Variants in TMEM234 observed in about 807,000 individuals in gnomAD.
TMEM234 encodes the protein transmembrane protein 234.
A neutral mutation model predicts 17.8 loss-of-function variants in TMEM234; 21 were observed. That is an observed-to-expected ratio of 1.18 (90% CI 0.84 to 1.70). The LOEUF (loss-of-function observed/expected upper bound fraction) is 1.70. TMEM234 is among the 40% of genes most tolerant of loss of function. The pLI, the probability that TMEM234 is intolerant of heterozygous loss-of-function variation, is 0.00. For synonymous variants in TMEM234, 83 were observed against 73.5 expected (o/e 1.13, Z -0.66); for missense variants, 137 against 166.9 (o/e 0.82, Z 0.99).
chr1:32,221,435 A>T (rs1000621551), intron 2 of TMEM234, among the ~76,000 whole-genome samples: 3 of 152,082 alleles, frequency 2.0e-5, no homozygotes, highest in Non-Finnish European at 4.4e-5. Context: ...AAGGCCTTGA[A>T]GCCAATGTCA....
chr1:32,216,739 G>C lies in TMEM234; in HGVS notation c.*114C>G, dbSNP rs1299032688. On this transcript the variant is annotated 3_prime_UTR_variant, in exon 5 of 5. Transcript: ENST00000309777. ...TGAGGTAGCTGTTATCCCCATAAGA[G>C]AGGAGGAAGCTAAGGCCAGAGAGGG... The C allele has an allele frequency of 1.8e-5, 28 of 1,521,896 alleles. No homozygotes were observed. The highest frequency in any genetic ancestry group is 4.5e-4 in the Middle Eastern group (2 of 4,420). 94.3% of individuals were successfully genotyped at this position (1,521,896 alleles called of 1,614,324 possible). A position where few individuals can be genotyped will look rare whatever the true frequency, so the allele number is the denominator to read the frequency against.
chr1:32,214,678 A>G (rs947792992), downstream of TMEM234: 2 of 1,424,584 alleles, frequency 1.4e-6, no homozygotes, highest in Admixed American at 2.3e-5. Context: ...GTGAAGACAG[A>G]CGGTGTCTCC....
chr1:32,217,621 T>C (rs1638524051), intron 3 of TMEM234: 1 of 671,016 alleles, frequency 1.5e-6, no homozygotes, highest in Non-Finnish European at 2.6e-6. Context: ...CAAAGAGAAC[T>C]CGTGAGATCT....
chr1:32,217,077 G>T (rs568916480), intron 4 of TMEM234, 130 bp from the exon 5 acceptor site: 513 of 1,565,976 alleles, frequency 3.3e-4, no homozygotes, highest in Non-Finnish European at 4.1e-4. Flanking sequence ...TCTTTCTCCA[G>T]ACTGTCCAGG....
downstream of TMEM234, chr1:32,214,821 AC>A: frequency 6.2e-7 from 1 of 1,613,932 alleles, no homozygotes; most frequent in Non-Finnish European, 8.5e-7. Flanking sequence ...GGCCCAGGTA[AC>A]CCAGCCCTCT....
rs1165946487 is a variant in TMEM234, at chr1:32,221,908, G to A, written c.127C>T (p.Gln43Ter). The change falls in exon 2 of 5, where the codon CAG becomes TAG. Residue 43 changes from glutamine (Q) to a stop codon, truncating the protein, a stop_gained. Coordinates refer to ENST00000309777, the MANE Select transcript of TMEM234 (RefSeq NM_019118.5). LOFTEE classifies it high-confidence loss of function. ...QRVHEPTWAQ[Q>*]LLQEMKTLFL... ...AGGGTCTTCATCTCCTGTAGCAACT[G>A]CTGGGCCCAGGTCGGCTCATGAACC... The A allele has an allele frequency of 3.7e-6, 6 of 1,613,192 alleles. No homozygotes were observed. The highest frequency in any genetic ancestry group is 2.2e-5 in the East Asian group (1 of 44,860).
rs2124222570 is a variant in TMEM234 at position 32,216,829 on chromosome 1, G to A, written c.*24C>T. ...GCCCAGGGGCTTCCTGGAGGCAGCA[G>A]AGCTGGAAGTGGGTTCGGCCCACTC... On this transcript the variant is annotated 3_prime_UTR_variant, in exon 5 of 5. Transcript: ENST00000309777. The A allele has an allele frequency of 3.1e-6, 5 of 1,613,444 alleles. No homozygotes were observed. The highest frequency in any genetic ancestry group is 2.2e-5 in the East Asian group (1 of 44,886).
In TMEM234 at chr1:32,216,706, G is replaced by A; in HGVS notation, c.*147C>T. On this transcript the variant is annotated 3_prime_UTR_variant, in exon 5 of 5. Transcript: ENST00000309777. The stretch of plus-strand genomic sequence containing the variant: ...ACTCTTTCACTCTTGTTCTCTTATT[G>A]TGATCCATGAGGTAGCTGTTATCCC... The A allele has an allele frequency of 1.3e-6, 2 of 1,497,610 alleles. No homozygotes were observed. The highest frequency in any genetic ancestry group is 2.2e-5 in the Admixed American group (1 of 45,628). 92.8% of individuals were successfully genotyped at this position (1,497,610 alleles called of 1,614,324 possible).
intron 1 of TMEM234, 83 bp downstream of exon 1, chr1:32,222,224 G>T (rs1021036547): frequency 1.3e-6 from 2 of 1,521,598 alleles, no homozygotes; most frequent in African/African-American, 2.8e-5. Flanking sequence ...GCAGGGGTCG[G>T]GGTTAGAGGG....
chr1:32,214,972 T>A, downstream of TMEM234: 1 of 1,612,052 alleles, frequency 6.2e-7, no homozygotes, highest in Non-Finnish European at 8.5e-7. Context: ...TCAGCTGCCC[T>A]TTGACAGTGA....
At chr1:32,214,735 G>T (rs1638247250), downstream of TMEM234, 3 of 1,602,966 alleles carry the variant, frequency 1.9e-6, no homozygotes, top group South Asian at 3.3e-5. Flanking sequence ...AGCCTGAACT[G>T]GGGAGTAGGA....
At position 32,216,905 on chromosome 1, in the gene TMEM234, A is replaced by T; in HGVS notation, c.371T>A (p.Leu124His). Residue 124 changes from leucine (L) to histidine (H), a missense_variant, in exon 5 of 5, where the codon CTC becomes CAC. Transcript: ENST00000309777. ...GMVLTVIGIS[L>H]CITSSVSKTQ... is the part of the protein sequence containing the mutation. ...CTTACTCACTGAGCTTGTGATGCAG[A>T]GTGAAATTCCTATCACGGTGAGCAC... 6.2e-7 allele frequency: 1 copy of T among 1,614,200 alleles called. No homozygotes were observed. The highest frequency in any genetic ancestry group is 8.5e-7 in the Non-Finnish European group (1 of 1,180,034).
downstream of TMEM234, chr1:32,214,621 TAA>T (rs1406707239): frequency 2.4e-6 from 2 of 838,638 alleles, no homozygotes; most frequent in African/African-American, 3.4e-5. Flanking sequence ...TGTCCCTGGA[TAA>T]GTCAGGCTGG....
intron 3 of TMEM234, among the ~76,000 whole-genome samples, chr1:32,218,508 A>G (rs1385248742): frequency 6.6e-6 from 1 of 151,342 alleles, no homozygotes; most frequent in Admixed American, 6.6e-5. Context: ...TATCACATCA[A>G]AAAAAGAGCC....
chr1:32,219,464 C>T (rs1398509897), intron 3 of TMEM234, among the ~76,000 whole-genome samples: 1 of 152,184 alleles, frequency 6.6e-6, no homozygotes. Context: ...GAGGTCAAGG[C>T]TCACTGCAGC....
intron 3 of TMEM234, chr1:32,217,576 GC>G: frequency 1.0e-6 from 1 of 973,736 alleles, no homozygotes. Flanking sequence ...TCTGGGACCA[GC>G]CTGGTTTGAT....
At chr1:32,215,309 C>T (rs1638290535), downstream of TMEM234, 4 of 753,564 alleles carry the variant, frequency 5.3e-6, no homozygotes, top group Non-Finnish European at 6.4e-6. Flanking sequence ...CACTTCCTTG[C>T]CATCCTGGGA....
At position 32,218,172 on chromosome 1, in the gene TMEM234, C is replaced by T. The variant is rs561639460; in HGVS notation, c.236-821G>A. 6.8e-4 allele frequency among the ~76,000 whole-genome samples: 103 copies of T among 152,364 alleles called. 1 individual carries two copies. Among genetic ancestry groups the T allele is most frequent in the African/African-American group, 2.2e-3 (93 of 41,584 alleles). On this transcript the variant is annotated intron_variant, in intron 3 of 4. Coordinates refer to ENST00000309777, the MANE Select transcript of TMEM234 (RefSeq NM_019118.5). The stretch of plus-strand genomic sequence containing the variant: ...GTGCAGGGTGGCTCACGCCTGTAAT[C>T]CCAGCACTTTGGGAGGCTGAGGCGG...
downstream of TMEM234, chr1:32,214,891 T>C (rs768337918): frequency 1.2e-6 from 2 of 1,613,898 alleles, no homozygotes; most frequent in Non-Finnish European, 1.7e-6. Context: ...CAGCAGACCA[T>C]TCAGCCAAGA....
Sources: gnomAD v4.1 joint callset for allele counts (sites outside exome capture counted in the v4.1 genomes callset) on GRCh38, gnomAD v4.1.1 for gene constraint, MANE v1.5 for transcripts, NCBI Gene and HGNC (gene_info 2026-07-23, HGNC 2026-07-21) for gene names.